FER1L5: variants seen among roughly 807,000 people sequenced by gnomAD.
The protein encoded by FER1L5 is fer-1-like protein 5.
In FER1L5, 187 loss-of-function variants were observed where a neutral mutation model predicts 279.9. That is an observed-to-expected ratio of 0.67 (90% CI 0.59 to 0.75). FER1L5 has a LOEUF of 0.75. Ranked by LOEUF, FER1L5 falls within the 30% of genes least tolerant of loss-of-function variation. The pLI is 0.00. For missense variants in FER1L5, 2,091 were observed against 2,594.4 expected (o/e 0.81, Z 4.21); for synonymous variants, 921 against 989.7 (o/e 0.93, Z 1.30).
chr2:96,649,117 G>A lies in FER1L5; in HGVS notation c.340-506G>A, dbSNP rs927743136. Among the ~76,000 whole-genome samples the A allele has an allele frequency of 2.6e-5, 4 of 152,280 alleles. No homozygotes were observed. In the South Asian group the frequency reaches 6.2e-4, roughly 24 times the overall value. ...AGAGGTCAAGGGCCTTGTGGTCCAC[G>A]CTGGTGAATTGTGACTTAACTTTGA... On this transcript the variant is annotated intron_variant, in intron 4 of 52. Transcript: ENST00000624922.
intron 9 of FER1L5, among the ~76,000 whole-genome samples, chr2:96,659,474 T>TTTCTTTCTTTCCTTCTTTCC: frequency 3.4e-5 from 1 of 29,676 alleles, no homozygotes; most frequent in East Asian, 7.9e-4. Flanking sequence ...TCTTTCTTTC[T>TTTCTTTCTTTCCTTCTTTCC]TTCTTTCTTT....
chr2:96,667,473 G>A (rs892798486), intron 14 of FER1L5, among the ~76,000 whole-genome samples: 3 of 151,224 alleles, frequency 2.0e-5, no homozygotes, highest in African/African-American at 4.9e-5. Context: ...TCAGCCTCCC[G>A]AGTAGCTGGG....
chr2:96,667,139 G>A lies in FER1L5; in HGVS notation c.1141-1612G>A, dbSNP rs75990779. 9.3e-3 allele frequency among the ~76,000 whole-genome samples: 1,413 copies of A among 152,132 alleles called. 20 individuals carry two copies. Among genetic ancestry groups the A allele is most frequent in the African/African-American group, 0.033 (1,366 of 41,488 alleles). Reference sequence around the variant, plus strand: ...CAATCACAGTCCTCAAGGGGTTACAGCAGAGTGGTTTTGGCAACTGCATGT... The same window carrying A: ...CAATCACAGTCCTCAAGGGGTTACAACAGAGTGGTTTTGGCAACTGCATGT... On this transcript the variant is annotated intron_variant, in intron 14 of 52. Coordinates refer to ENST00000624922, the MANE Select transcript of FER1L5 (RefSeq NM_001293083.2).
chr2:96,691,727 G>T lies in FER1L5; in HGVS notation c.3076-98G>T, dbSNP rs1200552242. ...GGAAGGGCCTCTGTTCCTCAGGCTT[G>T]CGAGGGTGGCAGTGTGAGGGAGGAG... On this transcript the variant is annotated intron_variant, in intron 29 of 52. Transcript: ENST00000624922. The surrounding 1 kb of genome is among the most constrained non-coding windows in gnomAD (Gnocchi z 6.0). The T allele has an allele frequency of 5.2e-6, 8 of 1,550,302 alleles. No individual in the cohort carries two copies. The East Asian group carries it at 1.2e-4, about 24-fold the overall frequency.
Position 96,662,260 on chromosome 2 carries a change from G to T in FER1L5, c.1064G>T (p.Gly355Val). Reference protein sequence around the residue: ...VNPQLEVELIGEKLRTHMQTQ... With the variant: ...VNPQLEVELIVEKLRTHMQTQ... ...CCTCAGTTGGAGGTGGAACTAATTG[G>T]GGAAAAGGTAAGTGTAGAAATATTC... Residue 355 changes from glycine (G) to valine (V), a missense_variant, in exon 13 of 53, where the codon GGG (glycine) becomes GTG (valine). Gly to Val is a moderately radical substitution (Grantham distance 109). Transcript: ENST00000624922. 6.4e-7 allele frequency: 1 copy of T among 1,551,512 alleles called. No homozygotes were observed.
At chr2:96,648,071 C>T (rs186703140) in intron 4 of FER1L5, among the ~76,000 whole-genome samples, 185 bp downstream of exon 4, 59 of 152,326 alleles carry the variant, frequency 3.9e-4, no homozygotes, top group African/African-American at 1.2e-3. Context: ...ATGAATTGAC[C>T]GCCTTGCATT....
At chr2:96,695,287 TG>T in intron 34 of FER1L5, 1 of 568,830 alleles carries the variant, frequency 1.8e-6, no homozygotes, top group Admixed American at 3.8e-5. Flanking sequence ...CCTCATGGGT[TG>T]GGGGACAGCG....
chr2:96,677,755 C>A (rs1264353648), intron 19 of FER1L5, among the ~76,000 whole-genome samples: 1 of 151,926 alleles, frequency 6.6e-6, no homozygotes, highest in African/African-American at 2.4e-5. Context: ...ATCCCAGCTA[C>A]TCAGGAGGCT....
intron 51 of FER1L5, among the ~76,000 whole-genome samples, 176 bp downstream of exon 51, chr2:96,703,808 CCTTTT>C (rs1466400192): frequency 6.4e-5 from 8 of 124,226 alleles, no homozygotes; most frequent in Non-Finnish European, 1.2e-4. Context: ...GCAAAAGTTG[CCTTTT>C]TTTTTTTTTT....
intron 4 of FER1L5, among the ~76,000 whole-genome samples, 155 bp from the exon 5 acceptor site, chr2:96,649,468 G>A (rs1232613758): frequency 1.3e-5 from 2 of 152,138 alleles, no homozygotes; most frequent in African/African-American, 4.8e-5. Context: ...CACCCAGACT[G>A]TGCAGATGCC....
rs1441786548 is a variant in FER1L5 at position 96,686,070 on chromosome 2, G to T, written c.2026G>T (p.Ala676Ser). Residue 676 changes from alanine (A) to serine (S), a missense_variant, in exon 22 of 53, where the codon GCC becomes TCC. By Grantham distance (99) the Ala-to-Ser change is moderately conservative. Coordinates refer to ENST00000624922, the MANE Select transcript of FER1L5 (RefSeq NM_001293083.2). ...GCAAGCCAAGCCCAAGGACATGGTG[G>T]CCACAGCGGAGGACTGGCTGTACCG... ...AKQAKPKDMV[A>S]TAEDWLYRLN... The T allele has an allele frequency of 3.9e-6, 6 of 1,551,490 alleles. No individual in the cohort carries two copies. Among genetic ancestry groups the T allele is most frequent in the Non-Finnish European group, 5.2e-6 (6 of 1,146,978 alleles).
rs752602865 is a variant in FER1L5, at chr2:96,650,253, G to A, written c.468G>A (p.Ala156=). ...SQKLMVPGST[A]HRALSSKPQH... is the part of the protein sequence containing the mutation. Reference sequence around the variant, plus strand: ...AACTGATGGTCCCTGGCTCCACTGCGCACAGGGCTCTGTCCTCAAAGCCTC... The same window carrying A: ...AACTGATGGTCCCTGGCTCCACTGCACACAGGGCTCTGTCCTCAAAGCCTC... Residue 156 remains alanine (A), a synonymous_variant, in exon 6 of 53, where the codon GCG becomes GCA. Coordinates refer to ENST00000624922, the MANE Select transcript of FER1L5 (RefSeq NM_001293083.2). The A allele has an allele frequency of 6.0e-5, 93 of 1,551,698 alleles. No individual in the cohort carries two copies. The South Asian group carries it at 6.5e-4, about 11-fold the overall frequency.
At chr2:96,688,195 C>T (rs1197585896) in intron 24 of FER1L5, among the ~76,000 whole-genome samples, 1 of 152,188 alleles carries the variant, frequency 6.6e-6, no homozygotes, top group Non-Finnish European at 1.5e-5. Flanking sequence ...CTTGTTGATG[C>T]TCCATACACG....
intron 9 of FER1L5, among the ~76,000 whole-genome samples, chr2:96,655,426 T>A (rs996647790): frequency 6.6e-6 from 1 of 152,230 alleles, no homozygotes; most frequent in Admixed American, 6.5e-5. Context: ...ACATGGCTTC[T>A]CACCAAATAT....
At chr2:96,658,963 T>G (rs1329129692) in intron 9 of FER1L5, among the ~76,000 whole-genome samples, 3 of 152,122 alleles carry the variant, frequency 2.0e-5, no homozygotes, top group African/African-American at 7.2e-5. Context: ...TTTGTTTTTT[T>G]GGGACGGAGT....
At position 96,691,785 on chromosome 2, in the gene FER1L5, C is replaced by T. The variant is rs2077157382; in HGVS notation, c.3076-40C>T. On this transcript the variant is annotated intron_variant, in intron 29 of 52. Coordinates refer to ENST00000624922, the MANE Select transcript of FER1L5 (RefSeq NM_001293083.2). The surrounding 1 kb of genome is among the most constrained non-coding windows in gnomAD (Gnocchi z 6.0). ...GGGCCTGGGCTAGAGGAAACAGGAG[C>T]AGCACCCAAGAGCCTCAGGGGAGAC... 1 of 1,551,542 alleles carries T rather than the reference C, an allele frequency of 6.4e-7. No individual in the cohort carries two copies. The highest frequency in any genetic ancestry group is 1.4e-5 in the African/African-American group (1 of 73,048).
In FER1L5 at chr2:96,650,173, T is replaced by C; in HGVS notation, c.395-7T>C. ...CTCTGACCCCACCCTGCACTGTGTCTCCCCAGGAGCTGAAGACCACCTGGG... is the reference window on the plus strand; with the variant it reads ...CTCTGACCCCACCCTGCACTGTGTCCCCCCAGGAGCTGAAGACCACCTGGG... On this transcript the variant is annotated splice_polypyrimidine_tract_variant and splice_region_variant and intron_variant, in intron 5 of 52. Coordinates refer to ENST00000624922, the MANE Select transcript of FER1L5 (RefSeq NM_001293083.2). 6.4e-7 allele frequency: 1 copy of C among 1,551,068 alleles called. No homozygotes were observed. The highest frequency in any genetic ancestry group is 8.7e-7 in the Non-Finnish European group (1 of 1,146,510).
chr2:96,692,454 A>G (rs1385988354), intron 31 of FER1L5, among the ~76,000 whole-genome samples: 1 of 152,174 alleles, frequency 6.6e-6, no homozygotes, highest in Non-Finnish European at 1.5e-5. Flanking sequence ...CAAAACAAAG[A>G]CTACGAGGCA....
intron 45 of FER1L5, among the ~76,000 whole-genome samples, chr2:96,701,002 GAGCAAAATTTTTAAAA>G (rs2077568690): frequency 6.6e-6 from 1 of 152,202 alleles, no homozygotes; most frequent in Non-Finnish European, 1.5e-5. Context: ...GTCCTCTGCT[GAGCAAAATTTTTAAAA>G]AACCATTCCC....
Sources: allele counts gnomAD v4.1 joint callset (sites outside exome capture counted in the v4.1 genomes callset), GRCh38; gene constraint gnomAD v4.1.1; non-coding constraint Gnocchi (gnomAD v3.1); transcripts MANE v1.5; gene names NCBI Gene and HGNC (gene_info 2026-07-23, HGNC 2026-07-21).